Variants in KCNH1 observed in about 807,000 individuals in gnomAD.
KCNH1 encodes the protein potassium voltage-gated channel subfamily H member 1, also known as voltage-gated delayed rectifier potassium channel KCNH1.
Under a neutral mutation model 69.2 loss-of-function variants are expected in KCNH1, and 27 were observed. That is an observed-to-expected ratio of 0.39 (90% CI 0.29 to 0.54). KCNH1 has a LOEUF of 0.54. KCNH1 is among the 20% of genes least tolerant of loss of function. The pLI, the probability that KCNH1 is intolerant of heterozygous loss-of-function variation, is 0.68. For missense variants in KCNH1, 798 were observed against 1,261.6 expected, an observed-to-expected ratio of 0.63 and a Z score of 5.57; for synonymous variants, 456 against 487.7, an observed-to-expected ratio of 0.93 and a Z score of 0.86.
At chr1:210,751,217 G>A (rs1392585546) in intron 10 of KCNH1, among the ~76,000 whole-genome samples, 3 of 152,162 alleles carry the variant, frequency 2.0e-5, no homozygotes, top group Admixed American at 1.3e-4. Flanking sequence ...TTGGGCTGAG[G>A]TGGAGCAGAA....
intron 6 of KCNH1, among the ~76,000 whole-genome samples, chr1:211,002,074 A>G (rs922772443): frequency 2.6e-5 from 4 of 152,012 alleles, no homozygotes; most frequent in African/African-American, 4.8e-5. Context: ...TGATGAGTTA[A>G]TGGGTGCAGC....
chr1:210,944,380 G>A (rs1687922312), intron 6 of KCNH1, among the ~76,000 whole-genome samples: 1 of 152,148 alleles, frequency 6.6e-6, no homozygotes, highest in Non-Finnish European at 1.5e-5. Flanking sequence ...CCACTGCAAA[G>A]GCCCTCCAGG....
At chr1:210,717,838 G>C (rs982476062) in intron 10 of KCNH1, among the ~76,000 whole-genome samples, 4 of 152,128 alleles carry the variant, frequency 2.6e-5, no homozygotes. Context: ...GAGTGCAGTG[G>C]CTCATGCCTG....
intron 5 of KCNH1, among the ~76,000 whole-genome samples, chr1:211,067,184 T>C (rs1690548381): frequency 1.3e-5 from 2 of 152,122 alleles, no homozygotes. Context: ...GGACTGCTGC[T>C]CTCTCCTACA....
chr1:210,832,255 C>T (rs1306493047), intron 7 of KCNH1, among the ~76,000 whole-genome samples: 1 of 152,196 alleles, frequency 6.6e-6, no homozygotes, highest in Non-Finnish European at 1.5e-5. Context: ...GCTATACTCT[C>T]TTATCTGAGC....
chr1:211,023,419 T>A (rs1401361617), intron 5 of KCNH1, among the ~76,000 whole-genome samples: 3 of 151,510 alleles, frequency 2.0e-5, no homozygotes, highest in Non-Finnish European at 4.4e-5. Flanking sequence ...GACAGATGAA[T>A]GGAAAAACAA....
chr1:210,824,739 T>C (rs547717268), intron 7 of KCNH1, among the ~76,000 whole-genome samples: 1 of 152,306 alleles, frequency 6.6e-6, no homozygotes, highest in South Asian at 2.1e-4. Context: ...CAAGTGATAA[T>C]ACCTTACAGT....
At chr1:211,090,489 A>C (rs933544190) in intron 4 of KCNH1, 73 bp downstream of exon 4, 4 of 1,364,136 alleles carry the variant, frequency 2.9e-6, no homozygotes, top group Non-Finnish European at 4.0e-6. Flanking sequence ...GACAACCTTA[A>C]ATGCTCTGTA....
chr1:211,083,823 T>A (rs72741103), intron 4 of KCNH1, among the ~76,000 whole-genome samples: 75 of 152,314 alleles, frequency 4.9e-4, no homozygotes, highest in Admixed American at 8.5e-4. Context: ...CCAGTAGAAA[T>A]CTCATCTGCC....
intron 6 of KCNH1, among the ~76,000 whole-genome samples, chr1:211,006,790 T>C (rs887135996): frequency 1.3e-5 from 2 of 152,162 alleles, no homozygotes; most frequent in Non-Finnish European, 2.9e-5. Context: ...TTTTGATATG[T>C]CCATACAATG....
At chr1:210,953,466 G>A (rs896636970) in intron 6 of KCNH1, among the ~76,000 whole-genome samples, 2 of 152,046 alleles carry the variant, frequency 1.3e-5, no homozygotes, top group Non-Finnish European at 2.9e-5. Flanking sequence ...TCTTACCCTG[G>A]CTTCTGTGAA....
chr1:210,961,315 G>T (rs1401086129), intron 6 of KCNH1, among the ~76,000 whole-genome samples: 1 of 151,824 alleles, frequency 6.6e-6, no homozygotes, highest in Non-Finnish European at 1.5e-5. Flanking sequence ...TCAAAGAGCA[G>T]ATTTTTTTTC....
chr1:210,862,215 C>A, intron 7 of KCNH1: 1 of 1,176,852 alleles, frequency 8.5e-7, no homozygotes, highest in Middle Eastern at 1.9e-4. Flanking sequence ...TGAGCTGGCG[C>A]TCCATGGCCT....
At chr1:210,881,989 GT>G (rs1466683882) in intron 7 of KCNH1, among the ~76,000 whole-genome samples, 1 of 152,114 alleles carries the variant, frequency 6.6e-6, no homozygotes, top group African/African-American at 2.4e-5. Context: ...CCCATAGAAG[GT>G]ACAACACCAA....
intron 6 of KCNH1, among the ~76,000 whole-genome samples, chr1:210,990,614 G>A (rs1055730377): frequency 2.0e-5 from 3 of 152,154 alleles, no homozygotes; most frequent in Non-Finnish European, 4.4e-5. Flanking sequence ...TCCCTGAGGG[G>A]CTCTCTAAGT....
intron 6 of KCNH1, among the ~76,000 whole-genome samples, chr1:210,987,098 C>T (rs971653464): frequency 5.9e-5 from 9 of 152,184 alleles, no homozygotes; most frequent in African/African-American, 9.7e-5. Flanking sequence ...CTTGTGCATT[C>T]GTCACATAGT....
intron 6 of KCNH1, among the ~76,000 whole-genome samples, chr1:210,934,966 A>C (rs1687749020): frequency 6.6e-6 from 1 of 152,072 alleles, no homozygotes; most frequent in Non-Finnish European, 1.5e-5. Context: ...CCATCATATG[A>C]TCCAGCAATC....
At chr1:210,744,964 A>G (rs182514109) in intron 10 of KCNH1, among the ~76,000 whole-genome samples, 56 of 145,750 alleles carry the variant, frequency 3.8e-4, no homozygotes, top group African/African-American at 1.4e-3. Context: ...GCACTTTGGG[A>G]GGCCAAGGCG....
intron 3 of KCNH1, among the ~76,000 whole-genome samples, chr1:211,098,817 T>C (rs945834487): frequency 1.3e-5 from 2 of 152,160 alleles, no homozygotes; most frequent in African/African-American, 4.8e-5. Context: ...AAAACAATTG[T>C]GGGCAATTTG....
Sources: gnomAD v4.1 joint callset for allele counts (sites outside exome capture counted in the v4.1 genomes callset) on GRCh38, gnomAD v4.1.1 for gene constraint, MANE v1.5 for transcripts, NCBI Gene and HGNC (gene_info 2026-07-23, HGNC 2026-07-21) for gene names.